Variants in GPHN observed in about 807,000 individuals in gnomAD.
The protein encoded by GPHN is gephyrin.
A neutral mutation model predicts 95.5 loss-of-function variants in GPHN; 17 were observed. The ratio of observed to expected loss-of-function variants is 0.18; its 90% CI spans 0.12 to 0.27. The LOEUF is 0.27. Ranked by LOEUF, GPHN falls within the 10% of genes least tolerant of loss-of-function variation. The pLI, the probability that GPHN is intolerant of heterozygous loss-of-function variation, is 1.00. For synonymous variants in GPHN, 320 were observed against 322.5 expected, an observed-to-expected ratio of 0.99 and a Z score of 0.08; for missense variants, 660 against 978.1, an observed-to-expected ratio of 0.67 and a Z score of 4.34.
chr14:67,647,981 G>C, the GPHN span: 1 of 1,449,032 alleles, frequency 6.9e-7, no homozygotes, highest in Non-Finnish European at 9.4e-7. Flanking sequence ...CCATAAGAAG[G>C]ATGAGTGTCC....
At chr14:67,583,794 C>G in the GPHN span, 2 of 1,612,686 alleles carry the variant, frequency 1.2e-6, no homozygotes, top group Non-Finnish European at 1.7e-6. Flanking sequence ...GAGGCACATC[C>G]CCTGCCAAGG....
chr14:67,558,020 C>G, the GPHN span, among the ~76,000 whole-genome samples: 17 of 152,228 alleles, frequency 1.1e-4, no homozygotes, highest in African/African-American at 4.1e-4. Flanking sequence ...CCAGGGTCTT[C>G]CCTTCTGAGC....
intron 3 of GPHN, 24 bp from the exon 4 acceptor site, chr14:66,824,450 G>T: frequency 7.8e-7 from 1 of 1,279,598 alleles, no homozygotes; most frequent in Non-Finnish European, 1.1e-6. Flanking sequence ...TTCTGCACAT[G>T]ACTATACTAT....
the GPHN span, among the ~76,000 whole-genome samples, chr14:67,435,354 T>A: frequency 4.6e-3 from 702 of 152,274 alleles, 4 homozygotes; most frequent in African/African-American, 0.016. Flanking sequence ...GATTAACCCA[T>A]TCATGAGGGC....
At chr14:67,039,313 T>A (rs2074582395) in intron 10 of GPHN, among the ~76,000 whole-genome samples, 1 of 152,220 alleles carries the variant, frequency 6.6e-6, no homozygotes, top group South Asian at 2.1e-4. Flanking sequence ...AGATCCCCCC[T>A]GTAAAGCCTT....
chr14:67,590,077 G>A, the GPHN span: 1 of 1,549,574 alleles, frequency 6.5e-7, no homozygotes, highest in East Asian at 2.4e-5. Flanking sequence ...TGAACGCTGG[G>A]GCTCATGGGC....
chr14:66,693,431 G>C (rs1207001118), intron 2 of GPHN, among the ~76,000 whole-genome samples: 1 of 152,162 alleles, frequency 6.6e-6, no homozygotes, highest in African/African-American at 2.4e-5. Flanking sequence ...TTGATTGATA[G>C]ATAGATAGGT....
At chr14:67,382,781 A>G in the GPHN span, 2 of 597,238 alleles carry the variant, frequency 3.3e-6, no homozygotes, top group African/African-American at 3.7e-5. Context: ...ATAAATGAGA[A>G]GTTTTTTTAT....
chr14:66,766,628 A>AAG (rs1335629880), intron 2 of GPHN, among the ~76,000 whole-genome samples: 5 of 152,100 alleles, frequency 3.3e-5, no homozygotes, highest in Non-Finnish European at 7.4e-5. Context: ...ATATTCCCAA[A>AAG]AGAAGGATGG....
the GPHN span, chr14:67,223,784 T>C: frequency 3.0e-6 from 3 of 985,472 alleles, no homozygotes; most frequent in African/African-American, 5.2e-5. Context: ...TTCCCCTGAT[T>C]AGCATTTCTT....
the GPHN span, among the ~76,000 whole-genome samples, chr14:67,533,004 C>G: frequency 2.6e-5 from 4 of 152,182 alleles, no homozygotes; most frequent in Non-Finnish European, 5.9e-5. Context: ...CCGCCGCCCT[C>G]CCTGCCGCCC....
intron 2 of GPHN, among the ~76,000 whole-genome samples, chr14:66,762,162 A>G (rs748650791): frequency 7.9e-5 from 12 of 152,160 alleles, no homozygotes; most frequent in Non-Finnish European, 1.2e-4. Context: ...ATTACAATGG[A>G]ATTTTACTAG....
intron 2 of GPHN, among the ~76,000 whole-genome samples, chr14:66,691,503 T>TA (rs962638709): frequency 1.3e-5 from 2 of 152,044 alleles, no homozygotes; most frequent in African/African-American, 4.8e-5. Flanking sequence ...TTTAAGTGAT[T>TA]AAAAAAAATT....
At chr14:67,280,580 A>G in the GPHN span, among the ~76,000 whole-genome samples, 10 of 152,308 alleles carry the variant, frequency 6.6e-5, no homozygotes, top group Admixed American at 1.3e-4. Flanking sequence ...TAAAGACACC[A>G]ATGGTAGAGC....
chr14:67,244,629 A>C, the GPHN span, among the ~76,000 whole-genome samples: 1 of 152,310 alleles, frequency 6.6e-6, no homozygotes, highest in African/African-American at 2.4e-5. Context: ...AGTTGTTTTC[A>C]GGTTTTTTGT....
the GPHN span, among the ~76,000 whole-genome samples, chr14:67,693,893 C>A: frequency 6.6e-6 from 1 of 152,072 alleles, no homozygotes; most frequent in Non-Finnish European, 1.5e-5. Context: ...TCAGGTGATC[C>A]GCCCACCTCA....
the GPHN span, among the ~76,000 whole-genome samples, chr14:67,239,307 C>T: frequency 6.6e-6 from 1 of 152,152 alleles, no homozygotes; most frequent in African/African-American, 2.4e-5. Context: ...TGATTTTGCT[C>T]ATTCCTCCCC....
chr14:67,326,993 A>G, the GPHN span, among the ~76,000 whole-genome samples: 1 of 152,044 alleles, frequency 6.6e-6, no homozygotes, highest in Non-Finnish European at 1.5e-5. Context: ...TGGCTAACAT[A>G]GTGAAACCCC....
At chr14:66,885,939 G>T (rs972436743) in intron 5 of GPHN, among the ~76,000 whole-genome samples, 2 of 150,244 alleles carry the variant, frequency 1.3e-5, no homozygotes, top group Admixed American at 6.6e-5. Context: ...AAAATAAAAT[G>T]ACAAAGCAAA....
Sources: gnomAD v4.1 joint callset for allele counts (sites outside exome capture counted in the v4.1 genomes callset) on GRCh38, gnomAD v4.1.1 for gene constraint, MANE v1.5 for transcripts, NCBI Gene and HGNC (gene_info 2026-07-23, HGNC 2026-07-21) for gene names.